The following ST7L variants were observed in gnomAD, a reference collection of about 807,000 sequenced individuals.
ST7L encodes suppressor of tumorigenicity 7 protein-like.
A neutral mutation model predicts 72.5 loss-of-function variants in ST7L; 57 were observed. The ratio of observed to expected loss-of-function variants is 0.79; its 90% CI spans 0.64 to 0.98. The LOEUF is 0.98. Ranked by LOEUF, ST7L falls within the 50% of genes least tolerant of loss-of-function variation. The pLI, the probability that ST7L is intolerant of heterozygous loss-of-function variation, is 0.00. For synonymous variants in ST7L, 221 were observed against 240.9 expected (o/e 0.92, Z 0.77); for missense variants, 576 against 672.2 (o/e 0.86, Z 1.58).
rs1384520005 is a variant in ST7L at position 112,539,892 on chromosome 1, T to C, written c.1629+2059A>G. 8.1e-6 allele frequency: 8 copies of C among 985,312 alleles called. No individual in the cohort carries two copies. In the African/African-American group the frequency reaches 1.0e-4, roughly 13 times the overall value. The allele number at this position is 985,312 out of a possible 1,614,324, so 61.0% of individuals were successfully genotyped here. On this transcript the variant is annotated intron_variant, in intron 14 of 14. Coordinates refer to ENST00000358039, the MANE Select transcript of ST7L (RefSeq NM_017744.5). ...ACCATTAGGCACATTCTTAACACTA[T>C]ATACCATCACCTATACAGATACCAA...
At chr1:112,578,995 CA>C (rs768406423) in intron 9 of ST7L, among the ~76,000 whole-genome samples, 7 of 152,142 alleles carry the variant, frequency 4.6e-5, no homozygotes, top group Non-Finnish European at 8.8e-5. Context: ...CCTCAGTTTT[CA>C]CCTCTCAAAA....
intron 14 of ST7L, among the ~76,000 whole-genome samples, chr1:112,535,973 CAAAT>C (rs1655141680): frequency 6.6e-6 from 1 of 151,992 alleles, no homozygotes; most frequent in Non-Finnish European, 1.5e-5. Context: ...CGAGACTGCC[CAAAT>C]AAAGACTTTA....
At position 112,616,737 on chromosome 1, in the gene ST7L, T is replaced by C. The variant is rs559850341; in HGVS notation, c.288+76A>G. ...CAGCCTGGGCGACAGAGCAAGACTC[T>C]GTCTCAAAAAAGAAAAAAAAAAAAT... On this transcript the variant is annotated intron_variant, in intron 2 of 14. Transcript: ENST00000358039. 276 of 1,082,174 alleles carry C rather than the reference T, an allele frequency of 2.6e-4. No homozygotes were observed. The African/African-American group carries it at 3.8e-3, about 15-fold the overall frequency. 67.0% of individuals were successfully genotyped at this position (1,082,174 alleles called of 1,614,324 possible).
At chr1:112,530,063 G>GT (rs1654120052) in intron 14 of ST7L, 1 of 152,338 alleles carries the variant, frequency 6.6e-6, no homozygotes, top group African/African-American at 2.4e-5. Flanking sequence ...CCTAGGCAAA[G>GT]AATAACAATT....
intron 14 of ST7L, chr1:112,529,852 T>C (rs1654090157): frequency 6.6e-6 from 1 of 152,096 alleles, no homozygotes; most frequent in African/African-American, 2.4e-5. Flanking sequence ...GGGGTTTACT[T>C]ACATCTTTTT....
chr1:112,567,495 T>G (rs1226940311), intron 11 of ST7L, among the ~76,000 whole-genome samples: 1 of 152,224 alleles, frequency 6.6e-6, no homozygotes, highest in Non-Finnish European at 1.5e-5. Context: ...CTCTTATAAT[T>G]GCCTTCTATG....
At chr1:112,540,308 A>G (rs1655899087) in intron 14 of ST7L, 1 of 985,250 alleles carries the variant, frequency 1.0e-6, no homozygotes, top group African/African-American at 1.7e-5. Flanking sequence ...TTTTCTTTCC[A>G]GCTATTAAAT....
intron 5 of ST7L, among the ~76,000 whole-genome samples, chr1:112,596,962 A>G (rs192093017): frequency 4.1e-4 from 63 of 152,318 alleles, no homozygotes; most frequent in Non-Finnish European, 7.2e-4. Context: ...CAAAGAATAA[A>G]TATTAATATT....
intron 14 of ST7L, among the ~76,000 whole-genome samples, chr1:112,534,535 G>A (rs1057127300): frequency 6.6e-6 from 1 of 152,146 alleles, no homozygotes; most frequent in African/African-American, 2.4e-5. Flanking sequence ...GTTTAGAATT[G>A]TAATATATTA....
rs369624708 is a variant in ST7L, at chr1:112,617,622, G to C, written c.206-727C>G. 3.0e-3 allele frequency among the ~76,000 whole-genome samples: 461 copies of C among 152,052 alleles called. 4 individuals are homozygous for C. The highest frequency in any genetic ancestry group is 0.01 in the African/African-American group (433 of 41,482). On this transcript the variant is annotated intron_variant, in intron 1 of 14. Transcript: ENST00000358039. ...AGCTACTTGGGAGGCTGAGGCCAGA[G>C]GATCGCTTAAGCAGAAGAGTTCAAG...
intron 11 of ST7L, among the ~76,000 whole-genome samples, chr1:112,564,995 A>G (rs748394496): frequency 1.4e-4 from 22 of 151,796 alleles, no homozygotes; most frequent in African/African-American, 3.9e-4. Context: ...TCTTGGCAGC[A>G]TAACACTAAA....
In ST7L at chr1:112,600,774, C is replaced by T. The variant is rs1023166300; in HGVS notation, c.506+20G>A. 37 of 1,604,552 alleles carry T rather than the reference C, an allele frequency of 2.3e-5. No homozygotes were observed. The highest frequency in any genetic ancestry group is 3.0e-5 in the Non-Finnish European group (35 of 1,173,924). On this transcript the variant is annotated intron_variant, in intron 4 of 14. Coordinates refer to ENST00000358039, the MANE Select transcript of ST7L (RefSeq NM_017744.5). Reference sequence around the variant, plus strand: ...CTCTAAAACCAATGCCCTACTTATACTGAAAGCAAAATGTAATACCTCCTA... The same window carrying T: ...CTCTAAAACCAATGCCCTACTTATATTGAAAGCAAAATGTAATACCTCCTA...
intron 3 of ST7L, among the ~76,000 whole-genome samples, chr1:112,606,095 T>C (rs1415844418): frequency 6.6e-6 from 1 of 152,242 alleles, no homozygotes; most frequent in Non-Finnish European, 1.5e-5. Flanking sequence ...ATTCTGTTCC[T>C]GGCTTCTACT....
chr1:112,599,412 A>G (rs932080108), intron 4 of ST7L, among the ~76,000 whole-genome samples: 2 of 152,132 alleles, frequency 1.3e-5, no homozygotes, highest in African/African-American at 2.4e-5. Flanking sequence ...GTGCCTGTAC[A>G]TGGTACAAAC....
In ST7L at chr1:112,525,796, G is replaced by A; in HGVS notation, c.*217C>T. Reference sequence around the variant, plus strand: ...AAGGCTAAGCTGAATGAAGAAAAAAGGAAGACAATTTCATCTACAGTTGTC... The same window carrying A: ...AAGGCTAAGCTGAATGAAGAAAAAAAGAAGACAATTTCATCTACAGTTGTC... On this transcript the variant is annotated 3_prime_UTR_variant, in exon 15 of 15. Coordinates refer to ENST00000358039, the MANE Select transcript of ST7L (RefSeq NM_017744.5). 1.8e-6 allele frequency: 1 copy of A among 550,510 alleles called. No homozygotes were observed. The highest frequency in any genetic ancestry group is 3.5e-5 in the South Asian group (1 of 28,846). 34.1% of individuals were successfully genotyped at this position (550,510 alleles called of 1,614,324 possible).
chr1:112,597,801 G>GT (rs1210768693), intron 5 of ST7L, among the ~76,000 whole-genome samples, 170 bp downstream of exon 5: 1 of 151,648 alleles, frequency 6.6e-6, no homozygotes. Context: ...GAAAAGCAGT[G>GT]TATCAACCTA....
chr1:112,571,428 G>C (rs1339554888), intron 11 of ST7L: 1 of 325,170 alleles, frequency 3.1e-6, no homozygotes, highest in African/African-American at 2.3e-5. Flanking sequence ...TATCTATATA[G>C]TTTTATTTAT....
chr1:112,525,368 T>C lies in ST7L; in HGVS notation c.*645A>G, dbSNP rs991070318. On this transcript the variant is annotated 3_prime_UTR_variant, in exon 15 of 15. Transcript: ENST00000358039. ...CTTTCTCAGAAGCTATTATTTTCTTTGGGTGATTGGCAGGTATAGGGCAAT... is the reference window on the plus strand; with the variant it reads ...CTTTCTCAGAAGCTATTATTTTCTTCGGGTGATTGGCAGGTATAGGGCAAT... 3.3e-5 allele frequency: 5 copies of C among 152,216 alleles called. No individual in the cohort carries two copies. Among genetic ancestry groups the C allele is most frequent in the African/African-American group, 9.7e-5 (4 of 41,450 alleles). 9.4% of individuals were successfully genotyped at this position (152,216 alleles called of 1,614,324 possible).
At position 112,569,883 on chromosome 1, in the gene ST7L, G is replaced by A. The variant is rs375002372; in HGVS notation, c.1245+7103C>T. On this transcript the variant is annotated intron_variant, in intron 11 of 14. Coordinates refer to ENST00000358039, the MANE Select transcript of ST7L (RefSeq NM_017744.5). ...TGAGGCAAGAAAATCGCTTGAAACCGGGAGGTGGAAGTTGCAGTGAGCCGA... is the reference window on the plus strand; with the variant it reads ...TGAGGCAAGAAAATCGCTTGAAACCAGGAGGTGGAAGTTGCAGTGAGCCGA... 5.3e-5 allele frequency among the ~76,000 whole-genome samples: 8 copies of A among 151,320 alleles called. No homozygotes were observed. In the East Asian group the frequency reaches 5.8e-4, roughly 11 times the overall value.
Sources: allele counts gnomAD v4.1 joint callset (sites outside exome capture counted in the v4.1 genomes callset), GRCh38; gene constraint gnomAD v4.1.1; transcripts MANE v1.5; gene names NCBI Gene and HGNC (gene_info 2026-07-23, HGNC 2026-07-21).